FILIP1: variants seen among roughly 807,000 people sequenced by gnomAD.
The protein encoded by FILIP1 is filamin-A-interacting protein 1.
A neutral mutation model predicts 102.1 loss-of-function variants in FILIP1; 61 were observed. That is an observed-to-expected ratio of 0.60 (90% CI 0.49 to 0.74). FILIP1 has a LOEUF of 0.74. Ranked by LOEUF, FILIP1 falls within the 30% of genes least tolerant of loss-of-function variation. FILIP1 has a pLI of 0.00. For synonymous variants in FILIP1, 491 were observed against 526.9 expected, an observed-to-expected ratio of 0.93 and a Z score of 0.93; for missense variants, 1,314 against 1,441.2, an observed-to-expected ratio of 0.91 and a Z score of 1.43.
At chr6:75,361,075 T>C (rs1775158610) in intron 3 of FILIP1, among the ~76,000 whole-genome samples, 1 of 152,236 alleles carries the variant, frequency 6.6e-6, no homozygotes. Context: ...TCTCTCTGCC[T>C]TCTCACTCAC....
At chr6:75,423,838 A>C (rs555492681) in intron 1 of FILIP1, among the ~76,000 whole-genome samples, 11 of 152,308 alleles carry the variant, frequency 7.2e-5, no homozygotes, top group Admixed American at 3.3e-4. Flanking sequence ...AATGCTTTCC[A>C]AGAGTTTATC....
chr6:75,486,313 A>T (rs1779787902), intron 1 of FILIP1, among the ~76,000 whole-genome samples: 1 of 152,124 alleles, frequency 6.6e-6, no homozygotes, highest in Non-Finnish European at 1.5e-5. Context: ...CCCCATCAAC[A>T]ACTGGAAGAA....
At chr6:75,441,796 C>A (rs1284014591) in intron 1 of FILIP1, among the ~76,000 whole-genome samples, 1 of 148,344 alleles carries the variant, frequency 6.7e-6, no homozygotes, top group African/African-American at 2.5e-5. Context: ...GGCAGAGGTG[C>A]CCCTCACCTC....
rs549907996 is a variant in FILIP1 at position 75,466,119 on chromosome 6, A to C, written c.-7+27295T>G. 1.3e-3 allele frequency among the ~76,000 whole-genome samples: 205 copies of C among 152,324 alleles called. 1 individual carries two copies. The highest frequency in any genetic ancestry group is 2.2e-3 in the Non-Finnish European group (150 of 68,034). ...TCAAACATTACCTGCTCCACGAGGC[A>C]TTCCCTGACCATCCTATTTAAAATT... On this transcript the variant is annotated intron_variant, in intron 1 of 5. Coordinates refer to ENST00000237172, the MANE Select transcript of FILIP1 (RefSeq NM_015687.5).
intron 4 of FILIP1, among the ~76,000 whole-genome samples, chr6:75,353,241 A>G (rs1311778752): frequency 6.6e-6 from 1 of 152,150 alleles, no homozygotes; most frequent in Admixed American, 6.5e-5. Context: ...AATACATGAT[A>G]AAAAAATAAA....
intron 2 of FILIP1, among the ~76,000 whole-genome samples, chr6:75,371,546 G>A (rs563478982): frequency 1.7e-3 from 258 of 152,216 alleles, no homozygotes; most frequent in South Asian, 0.011. Context: ...CAAAGTTGGA[G>A]GTCTCACATT....
intron 1 of FILIP1, among the ~76,000 whole-genome samples, chr6:75,439,082 T>C (rs924950244): frequency 6.6e-6 from 1 of 152,214 alleles, no homozygotes; most frequent in African/African-American, 2.4e-5. Context: ...TTCAGCATGT[T>C]AACACAGAGG....
At chr6:75,386,496 A>G (rs1216005507) in intron 2 of FILIP1, 1 of 152,172 alleles carries the variant, frequency 6.6e-6, no homozygotes, top group Non-Finnish European at 1.5e-5. Context: ...GCAAGATACC[A>G]TGGAGCTGCA....
intron 1 of FILIP1, among the ~76,000 whole-genome samples, chr6:75,468,354 C>T (rs1779232892): frequency 6.6e-6 from 1 of 152,024 alleles, no homozygotes; most frequent in African/African-American, 2.4e-5. Flanking sequence ...AACTTACAGC[C>T]AGTAATTAAT....
At chr6:75,346,096 A>G (rs1422845707) in intron 4 of FILIP1, among the ~76,000 whole-genome samples, 3 of 152,254 alleles carry the variant, frequency 2.0e-5, no homozygotes, top group African/African-American at 4.8e-5. Context: ...ATAATCTAAT[A>G]GGCTCTGAGT....
At chr6:75,469,448 C>T (rs1192595663) in intron 1 of FILIP1, among the ~76,000 whole-genome samples, 1 of 151,870 alleles carries the variant, frequency 6.6e-6, no homozygotes, top group Admixed American at 6.6e-5. Flanking sequence ...AAATGGTATT[C>T]AAATATACTC....
intron 2 of FILIP1, among the ~76,000 whole-genome samples, chr6:75,386,782 A>G (rs1245052031): frequency 6.6e-6 from 1 of 152,152 alleles, no homozygotes; most frequent in Non-Finnish European, 1.5e-5. Context: ...TACCAGTAAA[A>G]CAAAGAGAAA....
At chr6:75,356,491 G>C (rs1775004958) in intron 3 of FILIP1, among the ~76,000 whole-genome samples, 1 of 147,364 alleles carries the variant, frequency 6.8e-6, no homozygotes, top group African/African-American at 2.5e-5. Context: ...TTTTTGAGAT[G>C]AAGTTTTGCT....
intron 2 of FILIP1, among the ~76,000 whole-genome samples, chr6:75,372,085 G>A (rs528749708): frequency 7.2e-5 from 11 of 152,028 alleles, no homozygotes; most frequent in Non-Finnish European, 1.2e-4. Context: ...TCCAGAGGCC[G>A]GGTGCAGTGG....
At chr6:75,492,682 A>G (rs916252861) in intron 1 of FILIP1, among the ~76,000 whole-genome samples, 1 of 152,216 alleles carries the variant, frequency 6.6e-6, no homozygotes, top group Admixed American at 6.5e-5. Context: ...CACACATGCA[A>G]CTTAACAGAA....
intron 4 of FILIP1, among the ~76,000 whole-genome samples, chr6:75,341,755 T>C (rs1296210784): frequency 6.6e-6 from 1 of 152,222 alleles, no homozygotes; most frequent in Non-Finnish European, 1.5e-5. Flanking sequence ...AGGTTTTCAG[T>C]TTTCCTGAGT....
intron 1 of FILIP1, among the ~76,000 whole-genome samples, chr6:75,429,610 T>C (rs1777753773): frequency 6.6e-6 from 1 of 152,106 alleles, no homozygotes; most frequent in African/African-American, 2.4e-5. Flanking sequence ...ATGGTCCCTG[T>C]TGGAACCAGA....
chr6:75,372,742 GAAAGAA>G (rs1775606279), intron 2 of FILIP1, among the ~76,000 whole-genome samples: 6 of 48,486 alleles, frequency 1.2e-4, no homozygotes, highest in African/African-American at 6.2e-4. Context: ...AAGAAAGAAA[GAAAGAA>G]AGAAAGAAAG....
intron 1 of FILIP1, among the ~76,000 whole-genome samples, chr6:75,443,443 A>C (rs1562607666): frequency 6.6e-6 from 1 of 152,200 alleles, no homozygotes; most frequent in Admixed American, 6.5e-5. Context: ...GTAATCTAAC[A>C]TGATTTTAAG....
Sources: gnomAD v4.1 joint callset for allele counts (sites outside exome capture counted in the v4.1 genomes callset) on GRCh38, gnomAD v4.1.1 for gene constraint, MANE v1.5 for transcripts, NCBI Gene and HGNC (gene_info 2026-07-23, HGNC 2026-07-21) for gene names.